The following LRRC4C variants were observed in gnomAD, a reference collection of about 807,000 sequenced individuals.
LRRC4C encodes the protein leucine rich repeat containing 4C.
Under a neutral mutation model 33.6 loss-of-function variants are expected in LRRC4C, and 5 were observed. The ratio of observed to expected loss-of-function variants is 0.15; its 90% CI spans 0.08 to 0.31. The LOEUF is 0.31. Ranked by LOEUF, LRRC4C falls within the 10% of genes least tolerant of loss-of-function variation. LRRC4C has a pLI of 1.00. For missense variants in LRRC4C, 560 were observed against 796.7 expected (o/e 0.70, Z 3.58); for synonymous variants, 329 against 302.0 (o/e 1.09, Z -0.93).
chr11:40,542,132 C>T (rs1301536372), intron 3 of LRRC4C, among the ~76,000 whole-genome samples: 2 of 150,146 alleles, frequency 1.3e-5, no homozygotes, highest in African/African-American at 4.9e-5. Flanking sequence ...ATATGACTGC[C>T]ATAACACAGA....
chr11:40,978,566 G>C (rs1220028475), intron 1 of LRRC4C, among the ~76,000 whole-genome samples: 1 of 151,634 alleles, frequency 6.6e-6, no homozygotes, highest in East Asian at 1.9e-4. Context: ...AACATCAATA[G>C]AGTTAAGGCT....
chr11:40,412,629 C>T (rs1950193386), intron 3 of LRRC4C, among the ~76,000 whole-genome samples: 1 of 152,012 alleles, frequency 6.6e-6, no homozygotes, highest in African/African-American at 2.4e-5. Context: ...ACTTGGCCAC[C>T]TCCCATGTCA....
chr11:40,911,433 T>C (rs544860507), intron 2 of LRRC4C, among the ~76,000 whole-genome samples: 4 of 152,240 alleles, frequency 2.6e-5, no homozygotes, highest in South Asian at 4.1e-4. Context: ...CCCAGGCAAA[T>C]GGGGTCTGGA....
rs1861901601 is a variant in LRRC4C at position 40,192,222 on chromosome 11, G to T, written c.-96+49297C>A. On this transcript the variant is annotated intron_variant, in intron 5 of 6. Transcript: ENST00000528697. ...AGCTCTGGTCTGCAGCTCCCAGCGA[G>T]AACAACACAGAAGGTGGGTGATTTC... Among the ~76,000 whole-genome samples, 3 of 152,136 alleles carry T rather than the reference G, an allele frequency of 2.0e-5. No individual in the cohort carries two copies. The South Asian group carries it at 6.2e-4, about 32-fold the overall frequency.
At chr11:40,877,180 C>T (rs911695512) in intron 2 of LRRC4C, among the ~76,000 whole-genome samples, 4 of 151,882 alleles carry the variant, frequency 2.6e-5, no homozygotes, top group Admixed American at 2.0e-4. Context: ...AGCGTAGAGG[C>T]TCACATTCAG....
chr11:40,385,860 T>C (rs900293968), intron 3 of LRRC4C, among the ~76,000 whole-genome samples: 24 of 77,154 alleles, frequency 3.1e-4, no homozygotes, highest in African/African-American at 8.7e-4. Context: ...AGTGAGACTC[T>C]GTCAAATAAA....
intron 1 of LRRC4C, among the ~76,000 whole-genome samples, chr11:41,148,205 CG>C (rs1288950693): frequency 6.6e-6 from 1 of 151,752 alleles, no homozygotes; most frequent in African/African-American, 2.4e-5. Context: ...TTAGTAGAGA[CG>C]GGGTTTCATC....
intron 3 of LRRC4C, among the ~76,000 whole-genome samples, chr11:40,611,439 T>A (rs151187917): frequency 1.3e-5 from 2 of 152,048 alleles, no homozygotes; most frequent in East Asian, 1.9e-4. Context: ...GGGAAAAGCT[T>A]CTTAGCATTG....
chr11:41,009,165 A>C (rs1340721340), intron 1 of LRRC4C, among the ~76,000 whole-genome samples: 1 of 152,020 alleles, frequency 6.6e-6, no homozygotes, highest in Non-Finnish European at 1.5e-5. Flanking sequence ...GATCACACAC[A>C]CATATTTTCT....
intron 1 of LRRC4C, among the ~76,000 whole-genome samples, chr11:41,303,047 T>C (rs1407577289): frequency 2.6e-5 from 4 of 152,094 alleles, no homozygotes; most frequent in African/African-American, 9.7e-5. Flanking sequence ...TTTTTTGGTG[T>C]TTATATGGAT....
At chr11:40,750,047 C>A (rs1182779829) in intron 2 of LRRC4C, among the ~76,000 whole-genome samples, 1 of 152,014 alleles carries the variant, frequency 6.6e-6, no homozygotes, top group Non-Finnish European at 1.5e-5. Flanking sequence ...ATGGTGAAAA[C>A]CCCTCTCTAC....
At chr11:40,873,199 G>A (rs1954734377) in intron 2 of LRRC4C, among the ~76,000 whole-genome samples, 1 of 152,114 alleles carries the variant, frequency 6.6e-6, no homozygotes, top group Non-Finnish European at 1.5e-5. Flanking sequence ...TCTGCAAAAT[G>A]AGGATAATAA....
intron 2 of LRRC4C, among the ~76,000 whole-genome samples, chr11:40,817,350 T>A (rs1292090974): frequency 6.6e-6 from 1 of 152,118 alleles, no homozygotes; most frequent in Admixed American, 6.6e-5. Context: ...GGCTAGATAT[T>A]TATATGAAGA....
intron 1 of LRRC4C, among the ~76,000 whole-genome samples, chr11:41,225,519 C>T (rs1947492230): frequency 6.6e-6 from 1 of 152,018 alleles, no homozygotes; most frequent in African/African-American, 2.4e-5. Flanking sequence ...AATATTTGGG[C>T]CAGGCCCAAT....
chr11:41,263,693 A>G (rs1169899383), intron 1 of LRRC4C, among the ~76,000 whole-genome samples: 1 of 152,150 alleles, frequency 6.6e-6, no homozygotes, highest in South Asian at 2.1e-4. Flanking sequence ...TTGTTGATGT[A>G]AGACAGGTCA....
intron 1 of LRRC4C, among the ~76,000 whole-genome samples, chr11:41,036,027 G>A (rs4631866): frequency 0.49 from 74,795 of 151,640 alleles, 18,696 homozygotes; most frequent in South Asian, 0.56. Flanking sequence ...TTACGTTTAG[G>A]AGAAATTGGC....
At chr11:41,224,009 T>C (rs1375332027) in intron 1 of LRRC4C, among the ~76,000 whole-genome samples, 1 of 152,202 alleles carries the variant, frequency 6.6e-6, no homozygotes, top group Non-Finnish European at 1.5e-5. Context: ...ATACTCTGTT[T>C]CCTATCACAG....
At chr11:41,137,454 ATGAATAGCATGGTATGAAAAC>A (rs1943315687) in intron 1 of LRRC4C, among the ~76,000 whole-genome samples, 1 of 152,164 alleles carries the variant, frequency 6.6e-6, no homozygotes, top group South Asian at 2.1e-4. Context: ...CATCATTTCT[ATGAATAGCATGGTATGAAAAC>A]TGTTTTCTCT....
At chr11:41,408,762 A>G (rs998932392) in intron 1 of LRRC4C, among the ~76,000 whole-genome samples, 2 of 151,888 alleles carry the variant, frequency 1.3e-5, no homozygotes, top group Non-Finnish European at 2.9e-5. Context: ...AAAAAAAAAA[A>G]AAAAACTGAG....
Sources: allele counts gnomAD v4.1 joint callset (sites outside exome capture counted in the v4.1 genomes callset), GRCh38; gene constraint gnomAD v4.1.1; transcripts MANE v1.5; gene names NCBI Gene and HGNC (gene_info 2026-07-23, HGNC 2026-07-21).